The following CELSR1 variants were observed in gnomAD, a reference collection of about 807,000 sequenced individuals.
CELSR1 encodes the protein adhesion G protein-coupled receptor C1.
A neutral mutation model predicts 249.1 loss-of-function variants in CELSR1; 110 were observed. The ratio of observed to expected loss-of-function variants is 0.44; its 90% CI spans 0.38 to 0.52. The LOEUF is 0.52. CELSR1 is among the 20% of genes least tolerant of loss of function. The probability of loss-of-function intolerance (pLI) is 0.00; values close to 1 mark genes in which losing one functional copy is unlikely to be tolerated. For missense variants in CELSR1, 4,109 were observed against 4,296.4 expected, an observed-to-expected ratio of 0.96 and a Z score of 1.22; for synonymous variants, 2,113 against 1,900.0, an observed-to-expected ratio of 1.11 and a Z score of -2.92.
In CELSR1 at chr22:46,463,814, T is replaced by C. The variant is rs1479804856; in HGVS notation, c.4076A>G (p.Tyr1359Cys). Residue 1359 changes from tyrosine (Y) to cysteine (C), a missense_variant, in exon 2 of 35, where the codon TAC becomes TGC. Tyr to Cys is a radical substitution (Grantham distance 194). Transcript: ENST00000674500. The stretch of plus-strand genomic sequence containing the variant: ...GCAGAGGTCGATCTCCGTCTCGCAG[T>C]AGTCGCCGGTGAAGCCGGGCGGGCA... ...CRCPPGFTGD[Y>C]CETEIDLCYS... The C allele has an allele frequency of 1.2e-6, 2 of 1,610,656 alleles. No homozygotes were observed. Among genetic ancestry groups the C allele is most frequent in the Admixed American group, 1.7e-5 (1 of 59,756 alleles).
chr22:46,497,516 T>G (rs2080424752), intron 1 of CELSR1, among the ~76,000 whole-genome samples: 1 of 152,204 alleles, frequency 6.6e-6, no homozygotes, highest in South Asian at 2.1e-4. Context: ...GGCTACATCA[T>G]CCTACTCTCT....
Position 46,388,303 on chromosome 22 carries a change from C to T in CELSR1, c.6555+987G>A, listed in dbSNP as rs189871516. 4.1e-3 allele frequency among the ~76,000 whole-genome samples: 619 copies of T among 151,676 alleles called. 4 individuals are homozygous for T. Among genetic ancestry groups the T allele is most frequent in the African/African-American group, 0.013 (521 of 41,312 alleles). ...GGTGGAGGTTGCAGTGAGCCAAGAT[C>T]GCACCACTGCACTCCAGCCTGGACA... On this transcript the variant is annotated intron_variant, in intron 18 of 34. Coordinates refer to ENST00000674500, the MANE Select transcript of CELSR1 (RefSeq NM_001378328.1).
chr22:46,477,398 C>G (rs920611509), intron 1 of CELSR1, among the ~76,000 whole-genome samples: 15 of 152,302 alleles, frequency 9.8e-5, no homozygotes, highest in South Asian at 2.1e-4. Flanking sequence ...GTTTCCTGAA[C>G]AGGAATCCAA....
chr22:46,501,100 C>G (rs1035343112), intron 1 of CELSR1, among the ~76,000 whole-genome samples: 1 of 151,860 alleles, frequency 6.6e-6, no homozygotes. Context: ...ATGGCATGAT[C>G]TCAGCTCACC....
intron 9 of CELSR1, among the ~76,000 whole-genome samples, chr22:46,405,065 T>A (rs925647335): frequency 6.6e-6 from 1 of 151,692 alleles, no homozygotes; most frequent in Non-Finnish European, 1.5e-5. Context: ...CCTCAGGTGA[T>A]CCACCCGCCT....
rs746193321 is a variant in CELSR1, at chr22:46,534,019, A to G, written c.3152T>C (p.Leu1051Pro). Residue 1051 changes from leucine to proline, a missense_variant, in exon 1 of 35, where the codon CTG becomes CCG. By Grantham distance (98) the Leu-to-Pro change is moderately conservative (BLOSUM62 -3). Coordinates refer to ENST00000674500, the MANE Select transcript of CELSR1 (RefSeq NM_001378328.1). This position sits in a 1 kb window ranked among gnomAD's most constrained non-coding sequence, Gnocchi z 9.7. ...GDMRHFFQLDLLNGDLRAMVE... is the reference protein window; with the variant it reads ...GDMRHFFQLDPLNGDLRAMVE... ...CATGGCACGCAGGTCCCCGTTGAGC[A>G]GGTCCAGCTGGAAGAAATGCCGCAT... 1 of 1,613,708 alleles carries G rather than the reference A, an allele frequency of 6.2e-7. No individual in the cohort carries two copies. The highest frequency in any genetic ancestry group is 8.5e-7 in the Non-Finnish European group (1 of 1,180,020).
intron 1 of CELSR1, among the ~76,000 whole-genome samples, chr22:46,511,765 A>G (rs1790251243): frequency 6.6e-6 from 1 of 152,130 alleles, no homozygotes; most frequent in Admixed American, 6.5e-5. Flanking sequence ...AAGAAGAGTA[A>G]GAGGGTGAGA....
Position 46,464,307 on chromosome 22 carries a change from C to G in CELSR1, c.3583G>C (p.Val1195Leu), listed in dbSNP as rs1468592850. The G allele has an allele frequency of 6.2e-7, 1 of 1,613,302 alleles. No individual in the cohort carries two copies. ...HSVTAFCTLR[V>L]TIITDDMLTN... ...AGCATGTCGTCCGTGATGATGGTGA[C>G]ACGCAGGGTGCAGAAGGCCGTGACG... Residue 1195 changes from valine to leucine, a missense_variant, in exon 2 of 35, where the codon GTC (valine) becomes CTC (leucine). By Grantham distance (32) the Val-to-Leu change is conservative (BLOSUM62 1). This residue lies in a region of CELSR1 where 886 missense variants were observed against 896.5 expected (regional missense o/e 0.99). Coordinates refer to ENST00000674500, the MANE Select transcript of CELSR1 (RefSeq NM_001378328.1). The surrounding 1 kb of genome is among the most constrained non-coding windows in gnomAD (Gnocchi z 8.5).
intron 1 of CELSR1, among the ~76,000 whole-genome samples, chr22:46,519,161 G>A (rs2080659640): frequency 6.6e-6 from 1 of 152,156 alleles, no homozygotes; most frequent in Non-Finnish European, 1.5e-5. Context: ...GCTGCCAGAG[G>A]GTACAGGCTT....
At chr22:46,496,429 G>A (rs1377824460) in intron 1 of CELSR1, among the ~76,000 whole-genome samples, 2 of 151,926 alleles carry the variant, frequency 1.3e-5, no homozygotes, top group Non-Finnish European at 2.9e-5. Context: ...CTAGCCTGGT[G>A]TGGTGGCATA....
chr22:46,420,310 T>C (rs2079453548), intron 5 of CELSR1, among the ~76,000 whole-genome samples: 1 of 139,500 alleles, frequency 7.2e-6, no homozygotes, highest in African/African-American at 3.0e-5. Flanking sequence ...TCATGTGCAC[T>C]CACGTATGCA....
rs10694625 is a variant in CELSR1 at position 46,511,117 on chromosome 22, A to AACACACAC, written c.3544+22502_3544+22509dup. On this transcript the variant is annotated intron_variant, in intron 1 of 34. Coordinates refer to ENST00000674500, the MANE Select transcript of CELSR1 (RefSeq NM_001378328.1). ...TGACAGATCAAGACTTCGTCTCAAAAACACACACACACACACACACATACA... is the reference window on the plus strand; with the variant it reads ...TGACAGATCAAGACTTCGTCTCAAAAACACACACACACACACACACACACACACATACA... Among the ~76,000 whole-genome samples, 508 of 149,858 alleles carry AACACACAC rather than the reference A, an allele frequency of 3.4e-3. 2 individuals carry two copies. Among genetic ancestry groups the AACACACAC allele is most frequent in the African/African-American group, 0.012 (483 of 40,954 alleles).
rs577881453 is a variant in CELSR1, at chr22:46,471,363, G to C, written c.3545-7018C>G. Among the ~76,000 whole-genome samples, 3 of 151,932 alleles carry C rather than the reference G, an allele frequency of 2.0e-5. No homozygotes were observed. The highest frequency in any genetic ancestry group is 7.3e-5 in the African/African-American group (3 of 41,372). On this transcript the variant is annotated intron_variant, in intron 1 of 34. Transcript: ENST00000674500. The surrounding 1 kb of genome is among the most constrained non-coding windows in gnomAD (Gnocchi z 4.9). ...CCACACCCAGGCCCCTATTAGTTAC[G>C]TTATTACATTAGCATGGTAGGTTTG...
Position 46,380,711 on chromosome 22 carries a change from G to A in CELSR1, c.7256+77C>T. The A allele has an allele frequency of 6.5e-7, 1 of 1,531,452 alleles. No homozygotes were observed. Among genetic ancestry groups the A allele is most frequent in the East Asian group, 2.3e-5 (1 of 44,126 alleles). The allele number at this position is 1,531,452 out of a possible 1,614,324, so 94.9% of individuals were successfully genotyped here. ...AGAGACCGTCCTCTTGGGGCGCTCT[G>A]CCACTGAGCCCCCGACCCTGCGGGG... On this transcript the variant is annotated intron_variant, in intron 22 of 34. Coordinates refer to ENST00000674500, the MANE Select transcript of CELSR1 (RefSeq NM_001378328.1). The surrounding 1 kb of genome is among the most constrained non-coding windows in gnomAD (Gnocchi z 5.1).
chr22:46,441,448 CACTT>C lies in CELSR1; in HGVS notation c.4184-2041_4184-2038del, dbSNP rs2079748066. On this transcript the variant is annotated intron_variant, in intron 2 of 34. Coordinates refer to ENST00000674500, the MANE Select transcript of CELSR1 (RefSeq NM_001378328.1). The surrounding 1 kb of genome is among the most constrained non-coding windows in gnomAD (Gnocchi z 6.1). ...AACTCAAACAGACAGAATGAAAACA[CACTT>C]ACGACGCCTCAGTCTGCTTGGGCTG... 6.6e-6 allele frequency among the ~76,000 whole-genome samples: 1 copy of C among 152,122 alleles called. No homozygotes were observed. Among genetic ancestry groups the C allele is most frequent in the Non-Finnish European group, 1.5e-5 (1 of 68,022 alleles).
rs111432608 is a variant in CELSR1, at chr22:46,370,463, A to G, written c.7760-659T>C. ...AAACTGCCTCACCACCGAGCCTGCT[A>G]TACGAGCTGCTTGTTTAGATAGAGG... On this transcript the variant is annotated intron_variant, in intron 25 of 34. Transcript: ENST00000674500. Among the ~76,000 whole-genome samples, 983 of 152,226 alleles carry G rather than the reference A, an allele frequency of 6.5e-3. 8 individuals carry two copies. Among genetic ancestry groups the G allele is most frequent in the African/African-American group, 0.019 (808 of 41,522 alleles).
chr22:46,535,887 C>T lies in CELSR1; in HGVS notation c.1284G>A (p.Glu428=), dbSNP rs1469442118. ...EEAAEYQLLV[E]ANDQGRNPGP... ...CCGGATTGCGCCCCTGGTCGTTGGC[C>T]TCCACCAGGAGCTGGTACTCGGCCG... Residue 428 remains glutamate (E), a synonymous_variant, in exon 1 of 35, where the codon GAG becomes GAA. Transcript: ENST00000674500. 6.2e-7 allele frequency: 1 copy of T among 1,609,904 alleles called. No homozygotes were observed. Among genetic ancestry groups the T allele is most frequent in the Non-Finnish European group, 8.5e-7 (1 of 1,179,448 alleles).
At chr22:46,453,704 C>T (rs1172624029) in intron 2 of CELSR1, among the ~76,000 whole-genome samples, 1 of 152,212 alleles carries the variant, frequency 6.6e-6, no homozygotes, top group East Asian at 1.9e-4. Flanking sequence ...TGGGTCACTA[C>T]TCTCAGGGCA....
In CELSR1 at chr22:46,380,745, C is replaced by T; in HGVS notation, c.7256+43G>A. ...CCCCCGACCCTGCGGGGGCACTCTG[C>T]CTTGGCAAAGCCCTCACATGGGGCT... On this transcript the variant is annotated intron_variant, in intron 22 of 34. Coordinates refer to ENST00000674500, the MANE Select transcript of CELSR1 (RefSeq NM_001378328.1). The surrounding 1 kb of genome is among the most constrained non-coding windows in gnomAD (Gnocchi z 5.1). 6.3e-7 allele frequency: 1 copy of T among 1,598,586 alleles called. No homozygotes were observed.
Sources: allele counts gnomAD v4.1 joint callset (sites outside exome capture counted in the v4.1 genomes callset), GRCh38; gene constraint gnomAD v4.1.1; regional missense constraint gnomAD v4.1.1; non-coding constraint Gnocchi (gnomAD v3.1); transcripts MANE v1.5; gene names NCBI Gene and HGNC (gene_info 2026-07-23, HGNC 2026-07-21).